The following DTX1 variants were observed in gnomAD, a reference collection of about 807,000 sequenced individuals.
The protein encoded by DTX1 is deltex E3 ubiquitin ligase 1, also known as E3 ubiquitin-protein ligase DTX1.
A neutral mutation model predicts 57.8 loss-of-function variants in DTX1; 26 were observed. The observed-to-expected ratio is 0.45, with a 90% CI of 0.33 to 0.62. DTX1 has a LOEUF of 0.62. DTX1 is among the 20% of genes least tolerant of loss of function. The pLI, the probability that DTX1 is intolerant of heterozygous loss-of-function variation, is 0.02. For synonymous variants in DTX1, 398 were observed against 394.1 expected, an observed-to-expected ratio of 1.01 and a Z score of -0.12; for missense variants, 704 against 895.3, an observed-to-expected ratio of 0.79 and a Z score of 2.73.
chr12:113,078,403 A>G (rs984870519), intron 3 of DTX1, among the ~76,000 whole-genome samples: 2 of 152,214 alleles, frequency 1.3e-5, no homozygotes, highest in African/African-American at 2.4e-5. Flanking sequence ...TGATGGGGCC[A>G]TAATAGCAAC....
At chr12:113,064,150 T>C (rs2136424279) in intron 2 of DTX1, among the ~76,000 whole-genome samples, 1 of 152,256 alleles carries the variant, frequency 6.6e-6, no homozygotes, top group African/African-American at 2.4e-5. Flanking sequence ...CAGGACCCTT[T>C]GGGACCCTCT....
intron 2 of DTX1, among the ~76,000 whole-genome samples, chr12:113,076,506 G>C (rs1046636786): frequency 1.0e-4 from 15 of 150,620 alleles, no homozygotes; most frequent in Non-Finnish European, 1.9e-4. Flanking sequence ...GCTCACACCT[G>C]TCATCTCAGC....
At chr12:113,090,844 CTGAG>C (rs1203634004) in intron 3 of DTX1, among the ~76,000 whole-genome samples, 1 of 152,196 alleles carries the variant, frequency 6.6e-6, no homozygotes, top group Non-Finnish European at 1.5e-5. Context: ...GCCTCCCAGG[CTGAG>C]TGTCTGTGTG....
At chr12:113,064,018 G>A (rs1310188059) in intron 2 of DTX1, among the ~76,000 whole-genome samples, 1 of 152,190 alleles carries the variant, frequency 6.6e-6, no homozygotes, top group Non-Finnish European at 1.5e-5. Flanking sequence ...AGGGCTGAGA[G>A]AACCCCTTCC....
intron 3 of DTX1, among the ~76,000 whole-genome samples, chr12:113,087,960 G>A (rs1376237288): frequency 2.6e-5 from 4 of 152,166 alleles, no homozygotes; most frequent in Non-Finnish European, 5.9e-5. Flanking sequence ...AATGGATCCA[G>A]TTAGACAGCC....
intron 2 of DTX1, among the ~76,000 whole-genome samples, chr12:113,073,527 C>A (rs1285331182): frequency 6.6e-6 from 1 of 152,198 alleles, no homozygotes; most frequent in Non-Finnish European, 1.5e-5. Flanking sequence ...GCCAGTCCAA[C>A]CTCTCCACCT....
At chr12:113,080,476 T>G (rs955759042) in intron 3 of DTX1, among the ~76,000 whole-genome samples, 2 of 151,816 alleles carry the variant, frequency 1.3e-5, no homozygotes, top group Non-Finnish European at 2.9e-5. Flanking sequence ...GCAGTAAGAA[T>G]TTGAGAACCT....
At chr12:113,059,801 A>G (rs1371336434) in intron 2 of DTX1, among the ~76,000 whole-genome samples, 1 of 152,238 alleles carries the variant, frequency 6.6e-6, no homozygotes, top group African/African-American at 2.4e-5. Flanking sequence ...GCCACCAACC[A>G]CATGTGGCTA....
chr12:113,083,528 G>A (rs2136062489), intron 3 of DTX1, among the ~76,000 whole-genome samples: 1 of 152,318 alleles, frequency 6.6e-6, no homozygotes, highest in Non-Finnish European at 1.5e-5. Flanking sequence ...GTTTTGGCAT[G>A]TTGGTCAGGC....
intron 2 of DTX1, among the ~76,000 whole-genome samples, chr12:113,060,636 C>T (rs985847605): frequency 9.2e-5 from 14 of 152,176 alleles, no homozygotes; most frequent in African/African-American, 3.4e-4. Flanking sequence ...GATGTACAGG[C>T]CTGGACAGCC....
rs779879751 is a variant in DTX1 at position 113,095,038 on chromosome 12, C to G, written c.1387-4C>G. On this transcript the variant is annotated splice_region_variant and splice_polypyrimidine_tract_variant and intron_variant, in intron 7 of 9. Transcript: ENST00000548759. ...GGAACTCACTGCCAGCCTCCCCTGC[C>G]CAGGATGGCAGCCTGCAGTGCCCCA... 1 of 1,609,234 alleles carries G rather than the reference C, an allele frequency of 6.2e-7. No homozygotes were observed. Among genetic ancestry groups the G allele is most frequent in the African/African-American group, 1.3e-5 (1 of 74,854 alleles).
At chr12:113,057,278 C>G (rs954856260) in intron 1 of DTX1, among the ~76,000 whole-genome samples, 171 bp from the exon 2 acceptor site, 1 of 152,248 alleles carries the variant, frequency 6.6e-6, no homozygotes, top group Admixed American at 6.5e-5. Context: ...CCGGCCCCTG[C>G]CTTCCCTCCA....
intron 9 of DTX1, chr12:113,095,674 A>C (rs944432583): frequency 2.1e-6 from 1 of 479,428 alleles, no homozygotes; most frequent in Non-Finnish European, 3.7e-6. Flanking sequence ...GACTGTGGTC[A>C]CAGAGAAACT....
At chr12:113,063,996 A>G (rs2044683644) in intron 2 of DTX1, among the ~76,000 whole-genome samples, 1 of 152,204 alleles carries the variant, frequency 6.6e-6, no homozygotes, top group African/African-American at 2.4e-5. Context: ...AAACAAGGTG[A>G]CATTTAATGC....
In DTX1 at chr12:113,058,130, C is replaced by G. The variant is rs1222089619; in HGVS notation, c.-63C>G. 7 of 1,492,448 alleles carry G rather than the reference C, an allele frequency of 4.7e-6. No homozygotes were observed. The highest frequency in any genetic ancestry group is 2.5e-5 in the Admixed American group (1 of 40,596). 92.5% of individuals were successfully genotyped at this position (1,492,448 alleles called of 1,614,324 possible). On this transcript the variant is annotated 5_prime_UTR_variant, in exon 2 of 10. Coordinates refer to ENST00000548759, the MANE Select transcript of DTX1 (RefSeq NM_004416.3). The stretch of plus-strand genomic sequence containing the variant: ...GGAGAGAGGAAGTTGCCGCCTGCTG[C>G]CAGGCCCAGGAGGAGCTGGGCCTGC...
chr12:113,073,059 C>A (rs2044748205), intron 2 of DTX1, among the ~76,000 whole-genome samples: 1 of 152,112 alleles, frequency 6.6e-6, no homozygotes, highest in Non-Finnish European at 1.5e-5. Flanking sequence ...CACCTCCTAT[C>A]CCGGCCCCTC....
chr12:113,096,859 T>C lies in DTX1; in HGVS notation c.1783T>C (p.Tyr595His), dbSNP rs1317579370. Residue 595 changes from tyrosine to histidine, a missense_variant, in exon 10 of 10, where the codon TAC (tyrosine) becomes CAC (histidine). By Grantham distance (83) the Tyr-to-His change is moderately conservative. Transcript: ENST00000548759. ...EFGSNLTGHG[Y>H]PDASYLDNVL... Reference sequence around the variant, plus strand: ...TGGATCCAACCTCACGGGCCACGGCTACCCGGACGCTAGCTACCTAGACAA... The same window carrying C: ...TGGATCCAACCTCACGGGCCACGGCCACCCGGACGCTAGCTACCTAGACAA... The C allele has an allele frequency of 1.2e-6, 2 of 1,613,852 alleles. No homozygotes were observed. The highest frequency in any genetic ancestry group is 1.6e-4 in the Middle Eastern group (1 of 6,062).
intron 3 of DTX1, among the ~76,000 whole-genome samples, chr12:113,091,548 G>A (rs564531374): frequency 1.3e-5 from 2 of 152,246 alleles, no homozygotes; most frequent in East Asian, 3.9e-4. Flanking sequence ...TGATAAGTCT[G>A]TGTGGTCTTC....
In DTX1 at chr12:113,058,017, A is replaced by T; in HGVS notation, c.-176A>T. ...AGGGGTCTTTGCAGCCTGGATGGCCATCCCACATTCCTTTAACGGAGGTCT... is the reference window on the plus strand; with the variant it reads ...AGGGGTCTTTGCAGCCTGGATGGCCTTCCCACATTCCTTTAACGGAGGTCT... On this transcript the variant is annotated 5_prime_UTR_variant, in exon 2 of 10. Transcript: ENST00000548759. The T allele has an allele frequency of 9.5e-7, 1 of 1,055,670 alleles. No homozygotes were observed. Among genetic ancestry groups the T allele is most frequent in the Non-Finnish European group, 1.3e-6 (1 of 755,182 alleles). The allele number at this position is 1,055,670 out of a possible 1,614,324, so 65.4% of individuals were successfully genotyped here.
Sources: gnomAD v4.1 joint callset for allele counts (sites outside exome capture counted in the v4.1 genomes callset) on GRCh38, gnomAD v4.1.1 for gene constraint, MANE v1.5 for transcripts, NCBI Gene and HGNC (gene_info 2026-07-23, HGNC 2026-07-21) for gene names.